Variants in LYPD8 observed in about 807,000 individuals in gnomAD.
The protein encoded by LYPD8 is LY6/PLAUR domain containing 8, also known as ly6/PLAUR domain-containing protein 8.
LYPD8 carries 8 observed loss-of-function variants against 1.7 expected under a neutral mutation model. The observed-to-expected ratio is 4.58, with a 90% confidence interval of 2.69 to 8.27. The LOEUF is 8.27. Among genes scored for constraint, LYPD8 ranks in the 30% most tolerant of loss-of-function variants. The pLI is 0.00. For missense variants in LYPD8, 112 were observed against 102.3 expected, an observed-to-expected ratio of 1.09 and a Z score of -0.41; for synonymous variants, 50 against 43.6, an observed-to-expected ratio of 1.15 and a Z score of -0.58.
intron 2 of LYPD8, among the ~76,000 whole-genome samples, chr1:248,752,589 C>CCA (rs1415379280): frequency 7.6e-6 from 1 of 130,920 alleles, no homozygotes; most frequent in Non-Finnish European, 1.7e-5. Context: ...CACACACACA[C>CCA]CACACACCCC....
intron 6 of LYPD8, among the ~76,000 whole-genome samples, chr1:248,741,968 G>A (rs1010033842): frequency 1.9e-4 from 29 of 152,300 alleles, no homozygotes; most frequent in South Asian, 6.2e-4. Context: ...GGATGCGTAG[G>A]TAGAGCATAG....
chr1:248,749,490 G>A (rs1475141896), intron 4 of LYPD8, among the ~76,000 whole-genome samples: 1 of 152,188 alleles, frequency 6.6e-6, no homozygotes, highest in African/African-American at 2.4e-5. Context: ...ACTAGAGTCT[G>A]CAAAGTACAA....
At position 248,753,460 on chromosome 1, in the gene LYPD8, C is replaced by A. The variant is rs1438613792; in HGVS notation, c.-50+1779G>T. Among the ~76,000 whole-genome samples, 159 of 125,800 alleles carry A rather than the reference C, an allele frequency of 1.3e-3. 3 individuals are homozygous for A. In the South Asian group the frequency reaches 0.014, roughly 11 times the overall value. 82.5% of individuals were successfully genotyped at this position (125,800 alleles called of 152,430 possible). On this transcript the variant is annotated intron_variant, in intron 2 of 6. Transcript: ENST00000590317. ...CAACACAACACACACAACACACACC[C>A]CACACAACACACCACATCACACACA...
In LYPD8 at chr1:248,752,125, T is replaced by C. The variant is rs977617006; in HGVS notation, c.-49-995A>G. ...ATAGTTATTTATGATTCTTCGAGGG[T>C]AGATAAAATGAAACATTCTGTTTCT... On this transcript the variant is annotated intron_variant, in intron 2 of 6. Transcript: ENST00000590317. 3.7e-3 allele frequency among the ~76,000 whole-genome samples: 568 copies of C among 152,082 alleles called. 6 individuals are homozygous for C. The highest frequency in any genetic ancestry group is 0.012 in the African/African-American group (498 of 41,440).
chr1:248,749,147 A>T (rs988548681), intron 4 of LYPD8, among the ~76,000 whole-genome samples: 7 of 152,228 alleles, frequency 4.6e-5, no homozygotes, highest in Non-Finnish European at 7.3e-5. Flanking sequence ...AGAATATGGG[A>T]CAGCTACAGG....
Position 248,739,659 on chromosome 1 carries a change from G to T in LYPD8, c.666C>A (p.Leu222=). 1 of 1,551,764 alleles carries T rather than the reference G, an allele frequency of 6.4e-7. No individual in the cohort carries two copies. The highest frequency in any genetic ancestry group is 8.7e-7 in the Non-Finnish European group (1 of 1,146,998). ...TSHNVGSKAS[L]YLLALASLLL... ...GGAGGCTGGCAAGGGCCAAGAGGTA[G>T]AGGGAAGCTTTGGAGCCCACGTTGT... The change falls in exon 7 of 7, where the codon CTC becomes CTA. Residue 222 remains leucine (L), a synonymous_variant. Coordinates refer to ENST00000590317, the MANE Select transcript of LYPD8 (RefSeq NM_001085474.2). This position sits in a 1 kb window ranked among gnomAD's most constrained non-coding sequence, Gnocchi z 4.3.
At chr1:248,748,568 A>T (rs1447183357) in intron 4 of LYPD8, 115 bp from the exon 5 acceptor site, 6 of 396,114 alleles carry the variant, frequency 1.5e-5, no homozygotes, top group Non-Finnish European at 1.8e-5. Flanking sequence ...CCTCAGTATC[A>T]TGCAGTTTTG....
intron 4 of LYPD8, among the ~76,000 whole-genome samples, chr1:248,748,789 C>T (rs1662753066): frequency 6.6e-6 from 1 of 152,108 alleles, no homozygotes; most frequent in Non-Finnish European, 1.5e-5. Context: ...CATGACGAGC[C>T]TTATGTGCAA....
At chr1:248,753,754 C>T (rs1662877080) in intron 2 of LYPD8, among the ~76,000 whole-genome samples, 1 of 147,754 alleles carries the variant, frequency 6.8e-6, no homozygotes, top group African/African-American at 2.5e-5. Flanking sequence ...CCACACAACA[C>T]ATACACACCA....
rs1662712144 is a variant in LYPD8 at position 248,745,282 on chromosome 1, G to A, written c.338-3C>T. 1 of 398,420 alleles carries A rather than the reference G, an allele frequency of 2.5e-6. No individual in the cohort carries two copies. Among genetic ancestry groups the A allele is most frequent in the Non-Finnish European group, 4.4e-6 (1 of 226,050 alleles). 24.7% of individuals were successfully genotyped at this position (398,420 alleles called of 1,614,324 possible). ...GGACACGTTCTTCAGGGGAGGGTCT[G>A]GAAGAGTCAGAGTCATTACTCAGGA... On this transcript the variant is annotated splice_region_variant and splice_polypyrimidine_tract_variant and intron_variant, in intron 5 of 6. Transcript: ENST00000590317.
chr1:248,743,048 A>T (rs1292657060), intron 6 of LYPD8, among the ~76,000 whole-genome samples: 2 of 149,100 alleles, frequency 1.3e-5, no homozygotes, highest in Non-Finnish European at 1.5e-5. Context: ...TCTGGTGGGG[A>T]TGTTGGCAGC....
intron 2 of LYPD8, among the ~76,000 whole-genome samples, chr1:248,754,632 C>T (rs2103175823): frequency 6.6e-6 from 1 of 152,192 alleles, no homozygotes; most frequent in East Asian, 1.9e-4. Context: ...AAACCACACA[C>T]AAACACCACA....
chr1:248,750,715 A>G, intron 3 of LYPD8, 72 bp from the exon 4 acceptor site: 1 of 398,430 alleles, frequency 2.5e-6, no homozygotes, highest in South Asian at 1.3e-4. Flanking sequence ...ACTCTAGGAA[A>G]AGCACTGCTC....
chr1:248,753,834 T>C (rs1239333496), intron 2 of LYPD8, among the ~76,000 whole-genome samples: 1 of 123,120 alleles, frequency 8.1e-6, no homozygotes, highest in Non-Finnish European at 1.6e-5. Context: ...TAACATCACA[T>C]GTCACACACA....
chr1:248,739,886 G>A lies in LYPD8; in HGVS notation c.476-37C>T. On this transcript the variant is annotated intron_variant, in intron 6 of 6. Coordinates refer to ENST00000590317, the MANE Select transcript of LYPD8 (RefSeq NM_001085474.2). The surrounding 1 kb of genome is among the most constrained non-coding windows in gnomAD (Gnocchi z 4.3). The stretch of plus-strand genomic sequence containing the variant: ...AAGGAGACAGGAGGGACGCCACTCA[G>A]TCCTTTGTCCTTCCACCCACGCCTG... 9.7e-6 allele frequency: 15 copies of A among 1,549,532 alleles called. No individual in the cohort carries two copies. The highest frequency in any genetic ancestry group is 1.3e-5 in the Non-Finnish European group (15 of 1,145,996).
At chr1:248,740,065 C>T (rs1198926495) in intron 6 of LYPD8, among the ~76,000 whole-genome samples, 3 of 152,144 alleles carry the variant, frequency 2.0e-5, no homozygotes, top group Non-Finnish European at 2.9e-5. Flanking sequence ...GGCCTAGACT[C>T]CCACCGCCAC....
intron 4 of LYPD8, among the ~76,000 whole-genome samples, chr1:248,748,694 T>C (rs969670761): frequency 6.6e-6 from 1 of 152,212 alleles, no homozygotes; most frequent in Non-Finnish European, 1.5e-5. Flanking sequence ...AAAAGTCTGA[T>C]TGGGAGCCTG....
intron 5 of LYPD8, among the ~76,000 whole-genome samples, chr1:248,746,645 TCGCCC>T (rs1662732676): frequency 3.2e-5 from 3 of 93,762 alleles, no homozygotes; most frequent in African/African-American, 1.2e-4. Flanking sequence ...ACCCAGGGCA[TCGCCC>T]GCACGGCCAG....
chr1:248,755,257 T>G lies in LYPD8; in HGVS notation c.-68A>C, dbSNP rs1478869992. On this transcript the variant is annotated 5_prime_UTR_variant, in exon 2 of 7. Coordinates refer to ENST00000590317, the MANE Select transcript of LYPD8 (RefSeq NM_001085474.2). ...CCCCCACCTGGGACATGAGAAGAAG[T>G]GGCATCTTAGGCCGTTTCACTAGGT... 6.6e-6 allele frequency: 1 copy of G among 152,190 alleles called. No homozygotes were observed. The highest frequency in any genetic ancestry group is 6.5e-5 in the Admixed American group (1 of 15,284). The allele number at this position is 152,190 out of a possible 1,614,324, so 9.4% of individuals were successfully genotyped here.
Sources: allele counts gnomAD v4.1 joint callset (sites outside exome capture counted in the v4.1 genomes callset), GRCh38; gene constraint gnomAD v4.1.1; non-coding constraint Gnocchi (gnomAD v3.1); transcripts MANE v1.5; gene names NCBI Gene and HGNC (gene_info 2026-07-23, HGNC 2026-07-21).